The following LRP12 variants were observed in gnomAD, a reference collection of about 807,000 sequenced individuals.
LRP12 encodes LDL receptor related protein 12, also known as low-density lipoprotein receptor-related protein 12.
Under a neutral mutation model 66.0 loss-of-function variants are expected in LRP12, and 14 were observed. The ratio of observed to expected loss-of-function variants is 0.21; its 90% CI spans 0.14 to 0.33. LRP12 has a LOEUF of 0.33. Among genes scored for constraint, LRP12 ranks in the 10% least tolerant of loss-of-function variants. The pLI, the probability that LRP12 is intolerant of heterozygous loss-of-function variation, is 1.00. For synonymous variants in LRP12, 357 were observed against 359.1 expected, an observed-to-expected ratio of 0.99 and a Z score of 0.07; for missense variants, 889 against 1,053.4, an observed-to-expected ratio of 0.84 and a Z score of 2.16.
intron 1 of LRP12, among the ~76,000 whole-genome samples, chr8:104,558,230 A>C (rs1032199983): frequency 2.6e-5 from 4 of 151,958 alleles, no homozygotes; most frequent in South Asian, 2.1e-4. Context: ...ACAAAAAAAA[A>C]CAGAAACAAA....
Position 104,498,036 on chromosome 8 carries a change from A to G in LRP12, c.516T>C (p.Arg172=). ...EEPNCACDQF[R]CGNGKCIPEA... ...CTGGTATACACTTTCCATTACCACA[A>G]CGAAACTGATCACAAGCACAATTTG... Residue 172 remains arginine, a synonymous_variant, in exon 5 of 7, where the codon CGT becomes CGC. Coordinates refer to ENST00000276654, the MANE Select transcript of LRP12 (RefSeq NM_013437.5). 3 of 1,609,710 alleles carry G rather than the reference A, an allele frequency of 1.9e-6. No individual in the cohort carries two copies. Among genetic ancestry groups the G allele is most frequent in the Non-Finnish European group, 2.5e-6 (3 of 1,177,360 alleles).
chr8:104,557,210 C>T (rs1387954985), intron 1 of LRP12, among the ~76,000 whole-genome samples: 1 of 152,064 alleles, frequency 6.6e-6, no homozygotes, highest in Non-Finnish European at 1.5e-5. Context: ...CAAGATTGCG[C>T]ACTTTGACTA....
At position 104,497,195 on chromosome 8, in the gene LRP12, G is replaced by C; in HGVS notation, c.1357C>G (p.Pro453Ala). ...TTGTTTTTACAATGGAAATTTCCTG[G>C]TTGGCAAAAAAAGCAGTTTTTTTCA... ...SDEKNCFFCQ[P>A]GNFHCKNNRC... The change falls in exon 5 of 7, where the codon CCA becomes GCA. Residue 453 changes from proline to alanine, a missense_variant. Physicochemically the swap from Pro to Ala is conservative, Grantham distance 27. Transcript: ENST00000276654. The surrounding 1 kb of genome is among the most constrained non-coding windows in gnomAD (Gnocchi z 4.3). 2.5e-6 allele frequency: 4 copies of C among 1,610,568 alleles called. No homozygotes were observed. Among genetic ancestry groups the C allele is most frequent in the Non-Finnish European group, 3.4e-6 (4 of 1,178,352 alleles).
chr8:104,532,799 C>A (rs1405497156), intron 1 of LRP12, among the ~76,000 whole-genome samples: 1 of 152,170 alleles, frequency 6.6e-6, no homozygotes, highest in African/African-American at 2.4e-5. Context: ...CACCCCCCAC[C>A]CCAATGCACT....
intron 2 of LRP12, among the ~76,000 whole-genome samples, chr8:104,517,638 AAGCAAAGGATAAT>A (rs1458886887): frequency 6.6e-6 from 1 of 152,154 alleles, no homozygotes; most frequent in Non-Finnish European, 1.5e-5. Context: ...CTCTGTTCAT[AAGCAAAGGATAAT>A]AGCATATATA....
At chr8:104,501,286 C>T (rs1056332377) in intron 3 of LRP12, among the ~76,000 whole-genome samples, 1 of 152,012 alleles carries the variant, frequency 6.6e-6, no homozygotes, top group Non-Finnish European at 1.5e-5. Context: ...TTTATGTACA[C>T]TTCCCTGAAG....
At chr8:104,570,510 G>T (rs1812061472) in intron 1 of LRP12, among the ~76,000 whole-genome samples, 1 of 152,158 alleles carries the variant, frequency 6.6e-6, no homozygotes, top group South Asian at 2.1e-4. Flanking sequence ...ACGTGCAAAG[G>T]CAGCTCAATG....
intron 1 of LRP12, among the ~76,000 whole-genome samples, chr8:104,569,187 G>A (rs1812044391): frequency 6.6e-6 from 1 of 151,778 alleles, no homozygotes; most frequent in Non-Finnish European, 1.5e-5. Flanking sequence ...AATATTGTAT[G>A]ATTTCATTTA....
chr8:104,538,009 C>T (rs575326763), intron 1 of LRP12, among the ~76,000 whole-genome samples: 1 of 152,132 alleles, frequency 6.6e-6, no homozygotes, highest in Non-Finnish European at 1.5e-5. Flanking sequence ...GGGGAAGAGA[C>T]AGTATTTGTA....
At chr8:104,554,084 C>A (rs1811766695) in intron 1 of LRP12, among the ~76,000 whole-genome samples, 1 of 152,162 alleles carries the variant, frequency 6.6e-6, no homozygotes, top group African/African-American at 2.4e-5. Flanking sequence ...GAGAACACCA[C>A]ATCAAGGGAG....
intron 6 of LRP12, among the ~76,000 whole-genome samples, chr8:104,493,054 T>C (rs1363910266): frequency 1.3e-5 from 2 of 152,210 alleles, no homozygotes; most frequent in Non-Finnish European, 2.9e-5. Context: ...CATACTTTAT[T>C]GCTGACTTTA....
Position 104,497,531 on chromosome 8 carries a change from G to A in LRP12, c.1021C>T (p.Leu341Phe). 6.2e-7 allele frequency: 1 copy of A among 1,613,892 alleles called. No individual in the cohort carries two copies. The highest frequency in any genetic ancestry group is 8.5e-7 in the Non-Finnish European group (1 of 1,179,964). The change falls in exon 5 of 7, where the codon CTT (leucine) becomes TTT (phenylalanine). Residue 341 changes from leucine (L) to phenylalanine (F), a missense_variant. By Grantham distance (22) the Leu-to-Phe change is conservative. This residue lies in a region of LRP12 where 800 missense variants were observed against 964.5 expected (regional missense o/e 0.83). Transcript: ENST00000276654. The surrounding 1 kb of genome is among the most constrained non-coding windows in gnomAD (Gnocchi z 4.3). ...VLTAFDSHAP[L>F]TVVSSSGQIR... is the part of the protein sequence containing the mutation. ...TGTCCAGAAGAAGAAACAACTGTAA[G>A]AGGTGCATGAGAATCAAAAGCTGTC...
chr8:104,501,091 T>C (rs111484569), intron 3 of LRP12, among the ~76,000 whole-genome samples: 3 of 152,346 alleles, frequency 2.0e-5, no homozygotes, highest in Non-Finnish European at 4.4e-5. Context: ...GTTTTCCAAA[T>C]TGCCTCCTTT....
chr8:104,498,797 A>C (rs1199552266), intron 4 of LRP12, among the ~76,000 whole-genome samples: 1 of 151,718 alleles, frequency 6.6e-6, no homozygotes, highest in Non-Finnish European at 1.5e-5. Context: ...AATACTTATT[A>C]TTATTCCATG....
chr8:104,550,768 A>G (rs1314359936), intron 1 of LRP12, among the ~76,000 whole-genome samples: 1 of 152,206 alleles, frequency 6.6e-6, no homozygotes, highest in African/African-American at 2.4e-5. Context: ...AGAACACAGA[A>G]TAGTGCCTGG....
chr8:104,512,564 T>C (rs1251832412), intron 2 of LRP12, among the ~76,000 whole-genome samples: 2 of 152,128 alleles, frequency 1.3e-5, no homozygotes, highest in Non-Finnish European at 2.9e-5. Context: ...TATTAAATGG[T>C]TTAACAGCAG....
At chr8:104,567,532 GGAA>G (rs2140891899) in intron 1 of LRP12, among the ~76,000 whole-genome samples, 1 of 152,208 alleles carries the variant, frequency 6.6e-6, no homozygotes, top group East Asian at 1.9e-4. Flanking sequence ...AAATCAGAAA[GGAA>G]GAAGTAAAAC....
At chr8:104,588,711 C>T (rs1243361059) in intron 1 of LRP12, 108 bp downstream of exon 1, 1 of 860,398 alleles carries the variant, frequency 1.2e-6, no homozygotes, top group Non-Finnish European at 1.8e-6. Context: ...CCGCCGGTAG[C>T]CAGGGTCTCC....
At chr8:104,558,799 C>A (rs1289178157) in intron 1 of LRP12, among the ~76,000 whole-genome samples, 1 of 150,768 alleles carries the variant, frequency 6.6e-6, no homozygotes, top group Non-Finnish European at 1.5e-5. Flanking sequence ...CTGCTAAGGA[C>A]ATGAATAAAC....
Sources: gnomAD v4.1 joint callset for allele counts (sites outside exome capture counted in the v4.1 genomes callset) on GRCh38, gnomAD v4.1.1 for gene constraint, gnomAD v4.1.1 regional missense constraint, Gnocchi (gnomAD v3.1) non-coding constraint, MANE v1.5 for transcripts, NCBI Gene and HGNC (gene_info 2026-07-23, HGNC 2026-07-21) for gene names.